ZNF512B: variants seen among roughly 807,000 people sequenced by gnomAD.
ZNF512B encodes zinc finger protein 512B.
In ZNF512B, 22 loss-of-function variants were observed where a neutral mutation model predicts 87.8. The ratio of observed to expected loss-of-function variants is 0.25; its 90% confidence interval spans 0.18 to 0.36. The LOEUF (loss-of-function observed/expected upper bound fraction) is 0.36. ZNF512B is among the 10% of genes least tolerant of loss of function. The probability of loss-of-function intolerance (pLI) is 1.00; values close to 1 mark genes in which losing one functional copy is unlikely to be tolerated. For missense variants in ZNF512B, 1,060 were observed against 1,231.6 expected (o/e 0.86, Z 2.09); for synonymous variants, 524 against 490.9 (o/e 1.07, Z -0.89).
intron 14 of ZNF512B, 65 bp from the exon 15 acceptor site, chr20:63,962,069 C>A: frequency 3.3e-6 from 5 of 1,500,964 alleles, no homozygotes; most frequent in Non-Finnish European, 4.5e-6. Flanking sequence ...TATACCCCTG[C>A]CCTACCCCAG....
At position 63,966,358 on chromosome 20, in the gene ZNF512B, T is replaced by G. The variant is rs1350694891; in HGVS notation, c.817A>C (p.Thr273Pro). Residue 273 changes from threonine to proline, a missense_variant, in exon 5 of 17, where the codon ACC (threonine) becomes CCC (proline). Physicochemically the swap from Thr to Pro is conservative, Grantham distance 38. Transcript: ENST00000369888. ...SVPVTKPVPV[T>P]KPITVTKLVT... ...AGCTTTGTTACCGTAATGGGTTTGG[T>G]GACAGGTACGGGTTTGGTGACCGGC... 1 of 1,593,678 alleles carries G rather than the reference T, an allele frequency of 6.3e-7. No homozygotes were observed. The highest frequency in any genetic ancestry group is 1.1e-5 in the South Asian group (1 of 89,374).
In ZNF512B at chr20:63,966,303, G is replaced by T. The variant is rs758679000; in HGVS notation, c.872C>A (p.Thr291Asn). Residue 291 changes from threonine (T) to asparagine (N), a missense_variant, in exon 5 of 17, where the codon ACC becomes AAC. Physicochemically the swap from Thr to Asn is moderately conservative, Grantham distance 65. Around this residue, in one of 9 missense-constraint regions of ZNF512B, gnomAD observed 201 missense variants for 226.8 expected, o/e 0.89. Transcript: ENST00000369888. ...GGGCCTGCTGACTGTCACTGGCTTG[G>T]TGACCGGCACGGGTTTCGTAACTGT... is the stretch of plus-strand genomic sequence containing the variant. ...LVTVTKPVPV[T>N]KPVTVSRPIV... The T allele has an allele frequency of 1.2e-6, 2 of 1,604,248 alleles. No homozygotes were observed. The highest frequency in any genetic ancestry group is 8.5e-7 in the Non-Finnish European group (1 of 1,172,682).
At position 63,957,367 on chromosome 20, in the gene ZNF512B, C is replaced by T. The variant is rs573179465; in HGVS notation, c.*2521G>A. The T allele has an allele frequency of 2.6e-5, 4 of 152,492 alleles. No individual in the cohort carries two copies. The highest frequency in any genetic ancestry group is 5.9e-5 in the Non-Finnish European group (4 of 68,064). The allele number at this position is 152,492 out of a possible 1,614,324, so 9.4% of individuals were successfully genotyped here. ...GCGCCCACCACACTCTGGGGGTCAG[C>T]TATGCTGGTCCCTCTCACTGAGGGC... On this transcript the variant is annotated 3_prime_UTR_variant, in exon 17 of 17. Coordinates refer to ENST00000369888, the MANE Select transcript of ZNF512B (RefSeq NM_020713.3).
Position 63,959,966 on chromosome 20 carries a change from C to A in ZNF512B, c.2601G>T (p.Trp867Cys). The part of the protein sequence containing the change: ...VAKLPPRRDD[W>C]PPGCRDKGAR... ...CCCCCTTGTCTCTGCATCCTGGAGG[C>A]CAGTCGTCCCGGCGCGGGGGCAGCT... The change falls in exon 17 of 17, where the codon TGG (tryptophan) becomes TGT (cysteine). Residue 867 changes from tryptophan (W) to cysteine (C), a missense_variant. By Grantham distance (215) the Trp-to-Cys change is radical. Transcript: ENST00000369888. The A allele has an allele frequency of 1.9e-6, 3 of 1,611,898 alleles. No individual in the cohort carries two copies. The highest frequency in any genetic ancestry group is 2.5e-6 in the Non-Finnish European group (3 of 1,179,940).
At chr20:63,967,717 A>G (rs1016808045) in intron 2 of ZNF512B, 113 bp downstream of exon 2, 19 of 1,514,738 alleles carry the variant, frequency 1.3e-5, no homozygotes, top group Non-Finnish European at 1.7e-5. Flanking sequence ...GTCCTTGGGA[A>G]CTCTAGGGGC....
chr20:63,962,577 G>C lies in ZNF512B; in HGVS notation c.2163+10C>G, dbSNP rs375648070. On this transcript the variant is annotated intron_variant, in intron 13 of 16. Transcript: ENST00000369888. ...CGGCGCTGTCCACAGCCCTGGGGGG[G>C]GCAGCTCACCCGTGCGGTCTCGGGC... is the stretch of plus-strand genomic sequence containing the variant. The C allele has an allele frequency of 7.5e-6, 12 of 1,601,512 alleles. No homozygotes were observed. The highest frequency in any genetic ancestry group is 1.8e-4 in the Middle Eastern group (1 of 5,696).
rs1328044719 is a variant in ZNF512B at position 63,963,820 on chromosome 20, CCCA to C, written c.1571_1573del (p.Val524del). 1 of 1,612,886 alleles carries C rather than the reference CCCA, an allele frequency of 6.2e-7. No homozygotes were observed. The highest frequency in any genetic ancestry group is 1.7e-5 in the Admixed American group (1 of 60,032). On this transcript the variant is annotated inframe_deletion, in exon 9 of 17. Transcript: ENST00000369888. ...ACACACCTCCATGTGCTTCTTAAGC[CCCA>C]CGAGAGTCTTCCGGGTGACCACGTT...
chr20:63,967,924 G>T lies in ZNF512B; in HGVS notation c.27C>A (p.Gly9=). The T allele has an allele frequency of 6.2e-7, 1 of 1,612,144 alleles. No homozygotes were observed. The highest frequency in any genetic ancestry group is 8.5e-7 in the Non-Finnish European group (1 of 1,179,178). Residue 9 remains glycine (G), a synonymous_variant, in exon 2 of 17, where the codon GGC becomes GGA. Transcript: ENST00000369888. MTDPFCVG[G]RRLPGSSKSG... ...TCTTGCTGGACCCCGGGAGCCGACG[G>T]CCTCCAACGCAGAAAGGATCCGTCA...
intron 1 of ZNF512B, among the ~76,000 whole-genome samples, chr20:63,968,873 G>A (rs1030839764): frequency 5.3e-5 from 8 of 152,266 alleles, no homozygotes; most frequent in Non-Finnish European, 1.2e-4. Context: ...CATCCTGAGA[G>A]CTGGGGAGCA....
At chr20:63,967,199 C>T (rs763311393) in intron 3 of ZNF512B, among the ~76,000 whole-genome samples, 182 bp downstream of exon 3, 30 of 152,246 alleles carry the variant, frequency 2.0e-4, no homozygotes, top group Non-Finnish European at 3.5e-4. Context: ...CCCACCAACG[C>T]GATCCCCCGA....
chr20:63,962,855 C>G, intron 12 of ZNF512B, 74 bp from the exon 13 acceptor site: 2 of 1,430,560 alleles, frequency 1.4e-6, no homozygotes, highest in Non-Finnish European at 1.9e-6. Flanking sequence ...GGCGAGGCCA[C>G]CCTAAGGCCG....
At chr20:63,960,248 C>T in intron 16 of ZNF512B, 109 bp from the exon 17 acceptor site, 1 of 1,484,714 alleles carries the variant, frequency 6.7e-7, no homozygotes. Flanking sequence ...AGGCAAGCAC[C>T]TGCAGCAGGG....
Position 63,967,375 on chromosome 20 carries a change from G to C in ZNF512B, c.264+6C>G, listed in dbSNP as rs1225929215. The C allele has an allele frequency of 6.3e-7, 1 of 1,598,228 alleles. No individual in the cohort carries two copies. The highest frequency in any genetic ancestry group is 1.7e-5 in the Admixed American group (1 of 58,554). The stretch of plus-strand genomic sequence containing the variant: ...TGAGCCCCACCATGGCCCTGAGGGA[G>C]CTCACAGGAATGTCTCGGAGGGCCT... On this transcript the variant is annotated splice_donor_region_variant and intron_variant, in intron 3 of 16. Coordinates refer to ENST00000369888, the MANE Select transcript of ZNF512B (RefSeq NM_020713.3).
chr20:63,956,999 G>T lies in ZNF512B; in HGVS notation c.*2889C>A, dbSNP rs1306434867. ...ACCCAAACCAAGAAACCCAAAGCAC[G>T]GGACGCCCGGCCGCGAGGCAGGGGA... On this transcript the variant is annotated 3_prime_UTR_variant, in exon 17 of 17. Transcript: ENST00000369888. 2.0e-5 allele frequency: 3 copies of T among 152,524 alleles called. No homozygotes were observed. Among genetic ancestry groups the T allele is most frequent in the Non-Finnish European group, 4.4e-5 (3 of 68,030 alleles). The allele number at this position is 152,524 out of a possible 1,614,324, so 9.4% of individuals were successfully genotyped here. A position where few individuals can be genotyped will look rare whatever the true frequency, so the allele number is the denominator to read the frequency against.
chr20:63,967,282 A>T, intron 3 of ZNF512B, 99 bp downstream of exon 3: 2 of 1,478,960 alleles, frequency 1.4e-6, no homozygotes, highest in Non-Finnish European at 9.1e-7. Flanking sequence ...CTTGAGGCAT[A>T]GAGTTGGTAC....
At position 63,963,890 on chromosome 20, in the gene ZNF512B, T is replaced by C. The variant is rs202020428; in HGVS notation, c.1504A>G (p.Arg502Gly). 8.1e-6 allele frequency: 13 copies of C among 1,611,522 alleles called. No individual in the cohort carries two copies. Among genetic ancestry groups the C allele is most frequent in the Non-Finnish European group, 1.0e-5 (12 of 1,180,000 alleles). ...APGGPEEQWQ[R>G]AIHERGEAVC... is the part of the protein sequence containing the mutation. ...GCTTCCCCGCGCTCATGGATGGCCC[T>C]CTGCCACTGCTCTTCAGGGCCACCT... The change falls in exon 9 of 17, where the codon AGG becomes GGG. Residue 502 changes from arginine (R) to glycine (G), a missense_variant. Arg to Gly is a moderately radical substitution (Grantham distance 125, BLOSUM62 -2). This residue lies in a region of ZNF512B where 212 missense variants were observed against 207.6 expected (regional missense o/e 1.02). Coordinates refer to ENST00000369888, the MANE Select transcript of ZNF512B (RefSeq NM_020713.3).
Position 63,964,363 on chromosome 20 carries a change from A to G in ZNF512B, c.1290T>C (p.Phe430=). The change falls in exon 7 of 17, where the codon TTT becomes TTC. Residue 430 remains phenylalanine, a synonymous_variant. Coordinates refer to ENST00000369888, the MANE Select transcript of ZNF512B (RefSeq NM_020713.3). ...HRRKQKTPKK[F]TGEQPSISGT... ...CTGAGATGGATGGCTGCTCCCCTGT[A>G]AACTTTTTGGGTGTTTTCTGTTTCC... The G allele has an allele frequency of 6.2e-7, 1 of 1,613,790 alleles. No individual in the cohort carries two copies. Among genetic ancestry groups the G allele is most frequent in the African/African-American group, 1.3e-5 (1 of 74,986 alleles).
chr20:63,962,449 C>T, intron 13 of ZNF512B, 75 bp from the exon 14 acceptor site: 10 of 1,552,012 alleles, frequency 6.4e-6, no homozygotes, highest in Middle Eastern at 1.8e-4. Flanking sequence ...CTCGCCTCGG[C>T]AGCAGGCGAC....
intron 1 of ZNF512B, among the ~76,000 whole-genome samples, chr20:63,968,776 C>A (rs908795706): frequency 6.6e-6 from 1 of 152,248 alleles, no homozygotes; most frequent in Non-Finnish European, 1.5e-5. Context: ...GTGGAAGCAC[C>A]AGCAGTGAAG....
Sources: allele counts gnomAD v4.1 joint callset (sites outside exome capture counted in the v4.1 genomes callset), GRCh38; gene constraint gnomAD v4.1.1; regional missense constraint gnomAD v4.1.1; transcripts MANE v1.5; gene names NCBI Gene and HGNC (gene_info 2026-07-23, HGNC 2026-07-21).